NTM: variants seen among roughly 807,000 people sequenced by gnomAD.
NTM encodes the protein neurotrimin, also known as IgLON family member 2.
NTM carries 13 observed loss-of-function variants against 42.1 expected under a neutral mutation model. That is an observed-to-expected ratio of 0.31 (90% confidence interval 0.20 to 0.49). NTM has a LOEUF of 0.49. NTM is among the 20% of genes least tolerant of loss of function. The pLI is 0.99. For missense variants in NTM, 373 were observed against 452.8 expected, an observed-to-expected ratio of 0.82 and a Z score of 1.60; for synonymous variants, 187 against 179.2, an observed-to-expected ratio of 1.04 and a Z score of -0.35.
chr11:132,038,595 C>T (rs748100965), intron 2 of NTM, among the ~76,000 whole-genome samples: 2 of 152,154 alleles, frequency 1.3e-5, no homozygotes, highest in South Asian at 2.1e-4. Flanking sequence ...GCGTGTGTAG[C>T]GTTTAGCACA....
Position 132,296,087 on chromosome 11 carries a change from G to A in NTM, c.527-11602G>A, listed in dbSNP as rs1254184165. Among the ~76,000 whole-genome samples, 4 of 152,256 alleles carry A rather than the reference G, an allele frequency of 2.6e-5. No individual in the cohort carries two copies. In the South Asian group the frequency reaches 6.2e-4, roughly 24 times the overall value. On this transcript the variant is annotated intron_variant, in intron 4 of 8. Coordinates refer to ENST00000683400, the MANE Select transcript of NTM (RefSeq NM_001352005.2). ...TTTTATCTTACGAGAATGGGGATTC[G>A]ACAATGCTGCCAAGAGAGATCAGAT... is the stretch of plus-strand genomic sequence containing the variant.
At chr11:132,225,262 T>C (rs988735200) in intron 4 of NTM, among the ~76,000 whole-genome samples, 1 of 151,028 alleles carries the variant, frequency 6.6e-6, no homozygotes, top group African/African-American at 2.4e-5. Context: ...ATTCAATAAA[T>C]AAATATGCAA....
chr11:132,310,393 A>G (rs572483116), intron 6 of NTM, among the ~76,000 whole-genome samples, 161 bp downstream of exon 6: 1 of 152,184 alleles, frequency 6.6e-6, no homozygotes, highest in Non-Finnish European at 1.5e-5. Flanking sequence ...CTTAACATTA[A>G]TGGATTTCAG....
At chr11:131,939,087 A>G (rs1310674876) in intron 2 of NTM, among the ~76,000 whole-genome samples, 2 of 152,212 alleles carry the variant, frequency 1.3e-5, no homozygotes, top group African/African-American at 4.8e-5. Flanking sequence ...TGTTCTTAAA[A>G]TCTTGAAATT....
intron 1 of NTM, among the ~76,000 whole-genome samples, chr11:131,726,171 G>T (rs148352789): frequency 3.5e-4 from 53 of 152,312 alleles, no homozygotes; most frequent in African/African-American, 1.3e-3. Flanking sequence ...TCTACCTGCT[G>T]CTGGAAAGAA....
chr11:131,819,276 A>T (rs559186418), intron 1 of NTM, among the ~76,000 whole-genome samples: 1 of 152,206 alleles, frequency 6.6e-6, no homozygotes, highest in Non-Finnish European at 1.5e-5. Context: ...CCGAGGGAGC[A>T]TGCCACACTA....
At chr11:132,208,871 T>A (rs1275811209) in intron 3 of NTM, among the ~76,000 whole-genome samples, 1 of 152,074 alleles carries the variant, frequency 6.6e-6, no homozygotes, top group Non-Finnish European at 1.5e-5. Flanking sequence ...CATCTCGGAG[T>A]GCTTTACAGA....
At chr11:132,113,165 G>A (rs1229449986) in intron 2 of NTM, among the ~76,000 whole-genome samples, 2 of 152,304 alleles carry the variant, frequency 1.3e-5, no homozygotes, top group African/African-American at 2.4e-5. Flanking sequence ...TTAAGGATGG[G>A]AGCAGGCTCT....
chr11:131,959,536 TGTG>T (rs1388060298), intron 2 of NTM, among the ~76,000 whole-genome samples: 1 of 152,010 alleles, frequency 6.6e-6, no homozygotes, highest in Non-Finnish European at 1.5e-5. Flanking sequence ...CTAGGGAGGT[TGTG>T]GTGGGAGGAT....
Position 132,330,150 on chromosome 11 carries a change from T to G in NTM, c.935-3T>G, listed in dbSNP as rs2095772685. ...ACAGTGGCTTGTTTTTAATTTCTTT[T>G]AGAAGTGAAAACTACAGCCCTGACC... On this transcript the variant is annotated splice_region_variant and splice_polypyrimidine_tract_variant and intron_variant, in intron 7 of 8. Coordinates refer to ENST00000683400, the MANE Select transcript of NTM (RefSeq NM_001352005.2). 6.4e-7 allele frequency: 1 copy of G among 1,551,744 alleles called. No individual in the cohort carries two copies.
intron 1 of NTM, among the ~76,000 whole-genome samples, chr11:131,786,563 A>G (rs1405261595): frequency 4.6e-5 from 7 of 152,242 alleles, no homozygotes; most frequent in Admixed American, 2.0e-4. Flanking sequence ...AAGAAAGAGT[A>G]AAATACAGAA....
At chr11:131,715,661 C>T (rs567091452) in intron 1 of NTM, among the ~76,000 whole-genome samples, 18 of 152,214 alleles carry the variant, frequency 1.2e-4, no homozygotes, top group African/African-American at 4.3e-4. Context: ...TCCTTCTATC[C>T]CCTCCCCCAG....
intron 4 of NTM, among the ~76,000 whole-genome samples, chr11:132,281,020 C>T (rs1373595040): frequency 1.3e-5 from 2 of 152,182 alleles, no homozygotes; most frequent in African/African-American, 2.4e-5. Flanking sequence ...TTTTCTTTTT[C>T]CAGCCCCCAT....
At chr11:132,180,908 T>A (rs1277072210) in intron 3 of NTM, among the ~76,000 whole-genome samples, 1 of 151,778 alleles carries the variant, frequency 6.6e-6, no homozygotes, top group Non-Finnish European at 1.5e-5. Context: ...GAAAAAAAAA[T>A]GGGGAGAAGA....
Position 131,394,956 on chromosome 11 carries a change from C to G in NTM, c.82+24068C>G, listed in dbSNP as rs566634077. Among the ~76,000 whole-genome samples, 3 of 152,302 alleles carry G rather than the reference C, an allele frequency of 2.0e-5. No individual in the cohort carries two copies. The East Asian group carries it at 5.8e-4, about 29-fold the overall frequency. ...TGCCCTCATGGTGCTTGCAGTCTAT[C>G]CAGTCAGCAACACTTTTGGTGAGCC... On this transcript the variant is annotated intron_variant, in intron 1 of 8. Coordinates refer to ENST00000683400, the MANE Select transcript of NTM (RefSeq NM_001352005.2).
At chr11:132,203,372 A>T (rs1008237668) in intron 3 of NTM, among the ~76,000 whole-genome samples, 4 of 152,220 alleles carry the variant, frequency 2.6e-5, no homozygotes, top group African/African-American at 9.6e-5. Context: ...TCCACAGAAC[A>T]TCTATTTTGA....
intron 1 of NTM, among the ~76,000 whole-genome samples, chr11:131,502,540 C>A (rs973014100): frequency 6.6e-6 from 1 of 152,034 alleles, no homozygotes; most frequent in Non-Finnish European, 1.5e-5. Flanking sequence ...ATCACAGAGG[C>A]AAGTTGACGA....
chr11:131,608,404 C>G (rs1386726571), intron 1 of NTM, among the ~76,000 whole-genome samples: 1 of 152,192 alleles, frequency 6.6e-6, no homozygotes, highest in Non-Finnish European at 1.5e-5. Context: ...ATCATCCTTC[C>G]TTTACCAGTT....
chr11:131,657,877 A>G (rs2658817), intron 1 of NTM, among the ~76,000 whole-genome samples: 65 of 152,314 alleles, frequency 4.3e-4, no homozygotes, highest in Admixed American at 2.4e-3. Context: ...ACTCAAATAC[A>G]TGGCAAAACA....
Sources: gnomAD v4.1 joint callset for allele counts (sites outside exome capture counted in the v4.1 genomes callset) on GRCh38, gnomAD v4.1.1 for gene constraint, MANE v1.5 for transcripts, NCBI Gene and HGNC (gene_info 2026-07-23, HGNC 2026-07-21) for gene names.